The following TTC3 variants were observed in gnomAD, a reference collection of about 807,000 sequenced individuals.
TTC3 encodes tetratricopeptide repeat domain 3, also known as E3 ubiquitin-protein ligase TTC3.
A neutral mutation model predicts 249.6 loss-of-function variants in TTC3; 180 were observed. The ratio of observed to expected loss-of-function variants is 0.72; its 90% CI spans 0.64 to 0.82. The LOEUF is 0.82. TTC3 is among the 40% of genes least tolerant of loss of function. The pLI, the probability that TTC3 is intolerant of heterozygous loss-of-function variation, is 0.00. For synonymous variants in TTC3, 717 were observed against 805.0 expected, an observed-to-expected ratio of 0.89 and a Z score of 1.85; for missense variants, 2,061 against 2,398.4, an observed-to-expected ratio of 0.86 and a Z score of 2.94.
In TTC3 at chr21:37,165,644, C is replaced by T. The variant is rs746794776; in HGVS notation, c.3430C>T (p.Gln1144Ter). 1.2e-6 allele frequency: 2 copies of T among 1,614,000 alleles called. No individual in the cohort carries two copies. The highest frequency in any genetic ancestry group is 2.2e-5 in the South Asian group (2 of 91,080). ...TGAGTTTTTCCCAGAAGAAACTCGA[C>T]AGATACTAGAAAAAGCAGGAGGTTT... Residue 1144 changes from glutamine (Q) to a stop codon, truncating the protein, a stop_gained, in exon 33 of 46, where the codon CAG (glutamine) becomes TAG (stop). Coordinates refer to ENST00000355666, the Ensembl canonical transcript of TTC3. LOFTEE classifies it high-confidence loss of function.
At position 37,117,835 on chromosome 21, in the gene TTC3, CAAAAAAAAAAA is replaced by C. The variant is rs60664616; in HGVS notation, c.901-3974_901-3964del. On this transcript the variant is annotated intron_variant, in intron 11 of 45. Transcript: ENST00000355666. ...GCAGCGAGCTATGATTGCGCCACTTCAAAAAAAAAAAAAAAAAAGAAAAAAGAAAAAAACTT... is the reference window on the plus strand; with the variant it reads ...GCAGCGAGCTATGATTGCGCCACTTCAAAAAAAGAAAAAAGAAAAAAACTT... 4.1e-5 allele frequency among the ~76,000 whole-genome samples: 3 copies of C among 73,450 alleles called. No homozygotes were observed. The East Asian group carries it at 1.3e-3, about 33-fold the overall frequency. 48.2% of individuals were successfully genotyped at this position (73,450 alleles called of 152,430 possible).
chr21:37,117,073 A>G (rs2076202906), intron 11 of TTC3, among the ~76,000 whole-genome samples: 1 of 152,168 alleles, frequency 6.6e-6, no homozygotes, highest in South Asian at 2.1e-4. Context: ...TAAATATCAC[A>G]TGATTAAAGA....
chr21:37,154,127 T>C (rs1455064617), intron 27 of TTC3, among the ~76,000 whole-genome samples: 5 of 152,242 alleles, frequency 3.3e-5, no homozygotes, highest in Non-Finnish European at 7.3e-5. Context: ...GGGCACTATT[T>C]ATCTTGCTGA....
At chr21:37,130,307 C>T (rs1241323439) in intron 16 of TTC3, among the ~76,000 whole-genome samples, 1 of 152,054 alleles carries the variant, frequency 6.6e-6, no homozygotes, top group Non-Finnish European at 1.5e-5. Context: ...GTCTTCTTCC[C>T]TGCCCTCCCC....
chr21:37,100,962 G>C (rs1301386519), intron 10 of TTC3: 5 of 152,208 alleles, frequency 3.3e-5, no homozygotes, highest in African/African-American at 1.2e-4. Context: ...AGTTCCAACA[G>C]CTTATGTAAT....
chr21:37,092,117 A>G (rs943306696), intron 7 of TTC3, among the ~76,000 whole-genome samples: 1 of 152,236 alleles, frequency 6.6e-6, no homozygotes, highest in Non-Finnish European at 1.5e-5. Context: ...ACTGCCTTAC[A>G]TATTTCTTTT....
At chr21:37,144,688 T>C (rs376995484) in intron 21 of TTC3, 43 bp downstream of exon 21, 11 of 1,585,850 alleles carry the variant, frequency 6.9e-6, no homozygotes, top group Non-Finnish European at 9.4e-6. Context: ...TGTGAATGCT[T>C]ATCTGCATTG....
intron 42 of TTC3, among the ~76,000 whole-genome samples, chr21:37,197,127 T>G (rs2084999350): frequency 6.6e-6 from 1 of 152,234 alleles, no homozygotes; most frequent in South Asian, 2.1e-4. Context: ...CAGTGTTAAT[T>G]ACAGGCTTCA....
intron 17 of TTC3, among the ~76,000 whole-genome samples, chr21:37,133,265 T>A (rs2077627580): frequency 6.6e-6 from 1 of 152,232 alleles, no homozygotes; most frequent in South Asian, 2.1e-4. Flanking sequence ...TAATGTTGTA[T>A]ATAAAATTCT....
rs2081352622 is a variant in TTC3 at position 37,167,488 on chromosome 21, A to G, written c.4402-67A>G. 8 of 1,246,384 alleles carry G rather than the reference A, an allele frequency of 6.4e-6. No homozygotes were observed. In the East Asian group the frequency reaches 1.7e-4, roughly 27 times the overall value. 77.2% of individuals were successfully genotyped at this position (1,246,384 alleles called of 1,614,324 possible). On this transcript the variant is annotated intron_variant, in intron 33 of 45. Transcript: ENST00000355666. ...TGTGGGTGTGTTTTAAAGTGTTACT[A>G]CTTGATGGGCTTATTTTACTAGAGC...
intron 10 of TTC3, chr21:37,108,102 G>T (rs2075264477): frequency 4.4e-6 from 1 of 225,414 alleles, no homozygotes; most frequent in Non-Finnish European, 8.8e-6. Flanking sequence ...ACAAAAGAAT[G>T]CTATGCATAG....
At chr21:37,094,080 A>G (rs2073644735) in exon 8 of TTC3, 1 of 1,596,124 alleles carries the variant, frequency 6.3e-7, no homozygotes, top group East Asian at 2.2e-5. Flanking sequence ...AGTTGTATGG[A>G]TTGTATAGAG....
Position 37,197,911 on chromosome 21 carries a change from T to G in TTC3, c.5736T>G (p.Tyr1912Ter). 2 of 1,614,006 alleles carry G rather than the reference T, an allele frequency of 1.2e-6. No individual in the cohort carries two copies. Among genetic ancestry groups the G allele is most frequent in the African/African-American group, 1.3e-5 (1 of 75,008 alleles). ...ACCCAGGAAAGGACAAGAGGACTTA[T>G]GAGCCCAGCTCTGCCACCCCCGTGA... The change falls in exon 44 of 46, where the codon TAT (tyrosine) becomes TAG (stop). Residue 1912 changes from tyrosine to a stop codon, truncating the protein, a stop_gained. Coordinates refer to ENST00000355666, the Ensembl canonical transcript of TTC3. LOFTEE classifies it high-confidence loss of function.
intron 4 of TTC3, 83 bp downstream of exon 4, chr21:37,088,429 G>T (rs1462702196): frequency 6.0e-6 from 9 of 1,489,792 alleles, no homozygotes; most frequent in Non-Finnish European, 8.2e-6. Flanking sequence ...TCAATGGAAG[G>T]CTTATGTCTT....
At chr21:37,103,185 C>G (rs1050650296) in intron 10 of TTC3, among the ~76,000 whole-genome samples, 2 of 152,118 alleles carry the variant, frequency 1.3e-5, no homozygotes, top group African/African-American at 4.8e-5. Flanking sequence ...AATAACTGTT[C>G]TTTACAAGCA....
intron 11 of TTC3, among the ~76,000 whole-genome samples, chr21:37,119,457 T>C (rs77377556): frequency 0.027 from 4,168 of 152,240 alleles, 82 homozygotes; most frequent in Middle Eastern, 0.044. Flanking sequence ...CCCCCAGGGA[T>C]GTGCTGATCA....
At chr21:37,145,174 GACTT>G (rs2078875989) in intron 21 of TTC3, among the ~76,000 whole-genome samples, 1 of 152,204 alleles carries the variant, frequency 6.6e-6, no homozygotes, top group Non-Finnish European at 1.5e-5. Context: ...GTTCTAGAAA[GACTT>G]ACGTGTGAAA....
At chr21:37,172,474 C>T (rs2081891670) in intron 34 of TTC3, 121 bp from the exon 35 acceptor site, 2 of 1,110,624 alleles carry the variant, frequency 1.8e-6, no homozygotes, top group South Asian at 1.9e-5. Context: ...GTGACATTTC[C>T]CTTGTAAATT....
intron 34 of TTC3, among the ~76,000 whole-genome samples, chr21:37,170,053 C>T (rs938538954): frequency 6.6e-6 from 1 of 151,632 alleles, no homozygotes; most frequent in African/African-American, 2.4e-5. Flanking sequence ...AGGAAAAAAA[C>T]GGGAAAAATT....
Sources: allele counts gnomAD v4.1 joint callset (sites outside exome capture counted in the v4.1 genomes callset), GRCh38; gene constraint gnomAD v4.1.1; transcripts MANE v1.5; gene names NCBI Gene and HGNC (gene_info 2026-07-23, HGNC 2026-07-21).